Variants in METTL14 observed in about 807,000 individuals in gnomAD.
METTL14 encodes the protein methyltransferase 14, N6-adenosine-methyltransferase non-catalytic subunit, also known as N(6)-adenosine-methyltransferase non-catalytic subunit METTL14.
In METTL14, 32 loss-of-function variants were observed where a neutral mutation model predicts 62.4. That is an observed-to-expected ratio of 0.51 (90% CI 0.39 to 0.69). The LOEUF (loss-of-function observed/expected upper bound fraction) is 0.69, where lower values mean the gene tolerates loss of function less well. Among genes scored for constraint, METTL14 ranks in the 30% least tolerant of loss-of-function variants. The pLI, the probability that METTL14 is intolerant of heterozygous loss-of-function variation, is 0.00. For synonymous variants in METTL14, 150 were observed against 180.0 expected, an observed-to-expected ratio of 0.83 and a Z score of 1.34; for missense variants, 340 against 551.9, an observed-to-expected ratio of 0.62 and a Z score of 3.85.
At chr4:118,700,739 C>A in intron 8 of METTL14, 97 bp downstream of exon 8, 2 of 779,760 alleles carry the variant, frequency 2.6e-6, no homozygotes, top group Non-Finnish European at 4.0e-6. Flanking sequence ...GTTATTTTGT[C>A]CTTTGTTTCT....
At chr4:118,709,876 T>G in intron 10 of METTL14, 122 bp from the exon 11 acceptor site, 1 of 899,776 alleles carries the variant, frequency 1.1e-6, no homozygotes, top group Non-Finnish European at 1.7e-6. Flanking sequence ...GTAAAAGAGA[T>G]CAGTATTGGA....
At position 118,699,160 on chromosome 4, in the gene METTL14, A is replaced by G. The variant is rs551831710; in HGVS notation, c.646-1390A>G. ...GGAAGACGTGTTTCTTAGGAAACGG[A>G]TTAGAATCTTTGCATGTCCCTTTCT... On this transcript the variant is annotated intron_variant, in intron 7 of 10. Transcript: ENST00000388822. Among the ~76,000 whole-genome samples, 54 of 152,282 alleles carry G rather than the reference A, an allele frequency of 3.5e-4. No individual in the cohort carries two copies. In the South Asian group the frequency reaches 0.011, roughly 30 times the overall value.
chr4:118,709,720 A>T (rs924886287), intron 10 of METTL14, among the ~76,000 whole-genome samples: 2 of 152,216 alleles, frequency 1.3e-5, no homozygotes, highest in East Asian at 3.8e-4. Context: ...AGTGTAATGT[A>T]TGGGATTTTT....
rs112726268 is a variant in METTL14 at position 118,705,811 on chromosome 4, A to G, written c.1056A>G (p.Thr352=). The G allele has an allele frequency of 0.011, 18,354 of 1,612,932 alleles. 139 individuals are homozygous for G. The highest frequency in any genetic ancestry group is 0.017 in the Middle Eastern group (101 of 5,858). ...RRLHLFGRDS[T]IRPGWLTVGP... is the part of the protein sequence containing the mutation. ...TTCATCTATTTGGAAGAGATAGTAC[A>G]ATTCGACCAGGTAGGACCTCAGTTA... is the stretch of plus-strand genomic sequence containing the variant. Residue 352 remains threonine, a synonymous_variant, in exon 10 of 11, where the codon ACA becomes ACG. Coordinates refer to ENST00000388822, the MANE Select transcript of METTL14 (RefSeq NM_020961.4).
In METTL14 at chr4:118,691,472, G is replaced by T. The variant is rs1724244101; in HGVS notation, c.244-60G>T. ...ATAAAATATGTTGAGTTTTAATCAG[G>T]ATGTGATAGAGAAATAACCCCTATT... On this transcript the variant is annotated intron_variant, in intron 3 of 10. Coordinates refer to ENST00000388822, the MANE Select transcript of METTL14 (RefSeq NM_020961.4). 5.9e-6 allele frequency: 5 copies of T among 847,866 alleles called. No individual in the cohort carries two copies. The South Asian group carries it at 6.8e-5, about 12-fold the overall frequency. The allele number at this position is 847,866 out of a possible 1,614,324, so 52.5% of individuals were successfully genotyped here. A position where few individuals can be genotyped will look rare whatever the true frequency, so the allele number is the denominator to read the frequency against.
chr4:118,702,451 A>G (rs1424642082), intron 8 of METTL14, among the ~76,000 whole-genome samples: 2 of 152,144 alleles, frequency 1.3e-5, no homozygotes, highest in African/African-American at 2.4e-5. Context: ...TAGTAACAGG[A>G]ACAGATATTG....
intron 5 of METTL14, 31 bp downstream of exon 5, chr4:118,692,099 G>A (rs900941527): frequency 4.7e-6 from 6 of 1,281,584 alleles, no homozygotes; most frequent in Non-Finnish European, 6.7e-6. Flanking sequence ...CTACGCTATT[G>A]CTGACTCTCA....
In METTL14 at chr4:118,710,687, T is replaced by C. The variant is rs999242598; in HGVS notation, c.*385T>C. On this transcript the variant is annotated 3_prime_UTR_variant, in exon 11 of 11. Transcript: ENST00000388822. ...CTGACAGGGCCTTGATAGAATAGAG[T>C]TGGAAAAGATGGTAAGCTTTTGTCA... 1 of 157,502 alleles carries C rather than the reference T, an allele frequency of 6.3e-6. No homozygotes were observed. Among genetic ancestry groups the C allele is most frequent in the African/African-American group, 2.4e-5 (1 of 41,626 alleles). The allele number at this position is 157,502 out of a possible 1,614,324, so 9.8% of individuals were successfully genotyped here.
intron 7 of METTL14, 111 bp from the exon 8 acceptor site, chr4:118,700,439 A>G (rs1424830992): frequency 9.1e-6 from 7 of 765,654 alleles, no homozygotes; most frequent in African/African-American, 3.5e-5. Flanking sequence ...ATGGAAACTA[A>G]TACACTTAAA....
At position 118,705,793 on chromosome 4, in the gene METTL14, A is replaced by G. The variant is rs978139457; in HGVS notation, c.1038A>G (p.Leu346=). The G allele has an allele frequency of 5.6e-6, 9 of 1,613,836 alleles. No individual in the cohort carries two copies. In the African/African-American group the frequency reaches 6.7e-5, roughly 12 times the overall value. ...HFCLGRRRLH[L]FGRDSTIRPG... ...GTCTTGGTAGAAGACGCCTTCATCT[A>G]TTTGGAAGAGATAGTACAATTCGAC... Residue 346 remains leucine (L), a synonymous_variant, in exon 10 of 11, where the codon CTA becomes CTG. Coordinates refer to ENST00000388822, the MANE Select transcript of METTL14 (RefSeq NM_020961.4).
At chr4:118,701,819 A>C (rs959992038) in intron 8 of METTL14, among the ~76,000 whole-genome samples, 2 of 152,188 alleles carry the variant, frequency 1.3e-5, no homozygotes, top group Admixed American at 1.3e-4. Context: ...TGGAAATAAG[A>C]TTGTGCCCAA....
At chr4:118,700,765 TAGTG>T (rs2110405834) in intron 8 of METTL14, 123 bp downstream of exon 8, 3 of 630,364 alleles carry the variant, frequency 4.8e-6, no homozygotes, top group Non-Finnish European at 7.7e-6. Context: ...AATTCTAAAA[TAGTG>T]AGAAAAAAAA....
chr4:118,686,144 A>G (rs998625856), intron 1 of METTL14, among the ~76,000 whole-genome samples: 6 of 152,222 alleles, frequency 3.9e-5, no homozygotes, highest in Admixed American at 2.6e-4. Context: ...GTTAGTCACA[A>G]TAATCTCCTG....
rs1259618637 is a variant in METTL14 at position 118,713,810 on chromosome 4, A to G, written c.*3508A>G. On this transcript the variant is annotated 3_prime_UTR_variant, in exon 11 of 11. Transcript: ENST00000388822. The stretch of plus-strand genomic sequence containing the variant: ...ATCCAGTAAACTGACTCCATTGAAG[A>G]CTTCATTTCTGGAAATACCACATTG... 1 of 152,204 alleles carries G rather than the reference A, an allele frequency of 6.6e-6. No homozygotes were observed. Among genetic ancestry groups the G allele is most frequent in the Non-Finnish European group, 1.5e-5 (1 of 68,038 alleles). 9.4% of individuals were successfully genotyped at this position (152,204 alleles called of 1,614,324 possible).
intron 6 of METTL14, among the ~76,000 whole-genome samples, chr4:118,695,874 G>A (rs955716723): frequency 8.5e-5 from 13 of 152,120 alleles, no homozygotes; most frequent in African/African-American, 2.9e-4. Flanking sequence ...CACTTTGGGA[G>A]GCTGAGGTGG....
chr4:118,706,469 G>A (rs530595610), intron 10 of METTL14, among the ~76,000 whole-genome samples: 10 of 152,240 alleles, frequency 6.6e-5, no homozygotes, highest in East Asian at 3.9e-4. Flanking sequence ...TGGATGTACC[G>A]CAGTTTTTAT....
At chr4:118,697,967 G>A (rs952724846) in intron 7 of METTL14, among the ~76,000 whole-genome samples, 19 of 152,192 alleles carry the variant, frequency 1.2e-4, no homozygotes, top group African/African-American at 3.9e-4. Flanking sequence ...GGAGGCAAAC[G>A]ACTATCTGGT....
intron 10 of METTL14, among the ~76,000 whole-genome samples, chr4:118,709,385 C>G (rs1305825195): frequency 6.6e-6 from 1 of 152,052 alleles, no homozygotes; most frequent in African/African-American, 2.4e-5. Context: ...AGGCTTTCCA[C>G]TTTTAGAGGG....
At chr4:118,706,555 G>A (rs1724760845) in intron 10 of METTL14, among the ~76,000 whole-genome samples, 1 of 152,320 alleles carries the variant, frequency 6.6e-6, no homozygotes, top group Non-Finnish European at 1.5e-5. Flanking sequence ...CTGTGTACAG[G>A]TTTTTGTGTG....
Sources: allele counts gnomAD v4.1 joint callset (sites outside exome capture counted in the v4.1 genomes callset), GRCh38; gene constraint gnomAD v4.1.1; transcripts MANE v1.5; gene names NCBI Gene and HGNC (gene_info 2026-07-23, HGNC 2026-07-21).